The following CA10 variants were observed in gnomAD, a reference collection of about 807,000 sequenced individuals.
CA10 encodes the protein carbonic anhydrase 10 (inactive).
In CA10, 14 loss-of-function variants were observed where a neutral mutation model predicts 44.2. That is an observed-to-expected ratio of 0.32 (90% confidence interval 0.21 to 0.50). The LOEUF (loss-of-function observed/expected upper bound fraction) is 0.50. CA10 is among the 20% of genes least tolerant of loss of function. The pLI is 0.99. For synonymous variants in CA10, 159 were observed against 141.6 expected (o/e 1.12, Z -0.87); for missense variants, 350 against 409.7 (o/e 0.85, Z 1.26).
At chr17:52,077,726 G>A (rs778667895) in intron 1 of CA10, among the ~76,000 whole-genome samples, 2 of 151,930 alleles carry the variant, frequency 1.3e-5, no homozygotes, top group Non-Finnish European at 2.9e-5. Flanking sequence ...ACTGCAGAAG[G>A]TATCTATCAT....
At chr17:51,980,990 C>A (rs950616782) in intron 2 of CA10, among the ~76,000 whole-genome samples, 1 of 152,056 alleles carries the variant, frequency 6.6e-6, no homozygotes, top group African/African-American at 2.4e-5. Flanking sequence ...CACTACACAC[C>A]CAATGGAATA....
At chr17:51,988,775 T>C (rs1220113489) in intron 2 of CA10, among the ~76,000 whole-genome samples, 1 of 151,916 alleles carries the variant, frequency 6.6e-6, no homozygotes, top group Non-Finnish European at 1.5e-5. Context: ...AGAGATACAA[T>C]AGGAGATGCA....
intron 6 of CA10, among the ~76,000 whole-genome samples, chr17:51,647,541 G>C (rs543135030): frequency 2.0e-4 from 31 of 151,956 alleles, no homozygotes; most frequent in Non-Finnish European, 4.0e-4. Context: ...ATATTAATCA[G>C]ACCAGTGCTG....
intron 3 of CA10, among the ~76,000 whole-genome samples, chr17:51,903,861 G>C (rs1304915698): frequency 6.6e-6 from 1 of 152,002 alleles, no homozygotes; most frequent in East Asian, 1.9e-4. Flanking sequence ...CTATTATCAA[G>C]GCCTTAATTC....
In CA10 at chr17:52,127,505, C is replaced by G. The variant is rs1050752369; in HGVS notation, c.61+30221G>C. ...TTTCCTCCATTTAAATTTAAATAGACACTGCAGACTTGCCCTCCAATAATG... is the reference window on the plus strand; with the variant it reads ...TTTCCTCCATTTAAATTTAAATAGAGACTGCAGACTTGCCCTCCAATAATG... On this transcript the variant is annotated intron_variant, in intron 1 of 8. Coordinates refer to ENST00000451037, the MANE Select transcript of CA10 (RefSeq NM_020178.5). Among the ~76,000 whole-genome samples the G allele has an allele frequency of 1.0e-3, 153 of 152,230 alleles. 4 individuals carry two copies. The South Asian group carries it at 0.031, about 31-fold the overall frequency.
At chr17:51,939,282 T>G (rs1445284446) in intron 2 of CA10, among the ~76,000 whole-genome samples, 1 of 152,124 alleles carries the variant, frequency 6.6e-6, no homozygotes, top group Non-Finnish European at 1.5e-5. Flanking sequence ...TTGAATGCAC[T>G]TCACTTTTCT....
chr17:52,024,969 T>C (rs1986254481), intron 2 of CA10, among the ~76,000 whole-genome samples: 1 of 151,710 alleles, frequency 6.6e-6, no homozygotes, highest in African/African-American at 2.4e-5. Context: ...ATATATACAC[T>C]CCCCCAAAAA....
At chr17:52,051,719 G>T (rs1598187885) in intron 2 of CA10, among the ~76,000 whole-genome samples, 1 of 152,180 alleles carries the variant, frequency 6.6e-6, no homozygotes, top group Non-Finnish European at 1.5e-5. Flanking sequence ...AGACAGTGTG[G>T]CAATTCCACA....
chr17:51,677,583 A>G (rs1438661722), intron 4 of CA10, among the ~76,000 whole-genome samples: 5 of 152,164 alleles, frequency 3.3e-5, no homozygotes, highest in African/African-American at 1.2e-4. Flanking sequence ...GAACTAATAG[A>G]AGTGGTTACT....
At chr17:51,785,764 C>T (rs988835040) in intron 3 of CA10, among the ~76,000 whole-genome samples, 5 of 152,108 alleles carry the variant, frequency 3.3e-5, no homozygotes, top group African/African-American at 1.2e-4. Context: ...CTTCTTTTTG[C>T]TCAGGAGAGA....
chr17:52,105,669 G>A (rs1196598119), intron 1 of CA10, among the ~76,000 whole-genome samples: 1 of 152,184 alleles, frequency 6.6e-6, no homozygotes, highest in Non-Finnish European at 1.5e-5. Flanking sequence ...AAGTAAGATG[G>A]AAATAAGTTA....
chr17:51,807,362 G>A (rs990203784), intron 3 of CA10, among the ~76,000 whole-genome samples: 1 of 152,206 alleles, frequency 6.6e-6, no homozygotes. Flanking sequence ...TGCATTCTCA[G>A]AGTGAAAAGC....
chr17:52,098,397 C>T (rs1188816428), intron 1 of CA10, among the ~76,000 whole-genome samples: 2 of 152,174 alleles, frequency 1.3e-5, no homozygotes, highest in African/African-American at 4.8e-5. Flanking sequence ...GCCAATGCTG[C>T]TAGTCTGAGG....
chr17:51,935,532 AAATT>A (rs1982832556), intron 2 of CA10, among the ~76,000 whole-genome samples: 1 of 152,194 alleles, frequency 6.6e-6, no homozygotes, highest in African/African-American at 2.4e-5. Flanking sequence ...ATATTTTTGC[AAATT>A]AATTTTCACA....
At chr17:51,880,821 G>C (rs575621697) in intron 3 of CA10, among the ~76,000 whole-genome samples, 1 of 152,230 alleles carries the variant, frequency 6.6e-6, no homozygotes, top group African/African-American at 2.4e-5. Flanking sequence ...TGCATTGATA[G>C]ATGAAGAAAG....
rs765532727 is a variant in CA10, at chr17:52,016,378, A to C, written c.136+55941T>G. On this transcript the variant is annotated intron_variant, in intron 2 of 8. Coordinates refer to ENST00000451037, the MANE Select transcript of CA10 (RefSeq NM_020178.5). ...ACTCTATATTTCCAGTGCATTGCAG[A>C]TTGCTGGGAATTTCAATCACCACTC... Among the ~76,000 whole-genome samples the C allele has an allele frequency of 6.6e-5, 10 of 152,246 alleles. 1 individual carries two copies. The Middle Eastern group carries it at 0.01, about 155-fold the overall frequency.
At chr17:51,687,228 T>C (rs1915038972) in intron 4 of CA10, among the ~76,000 whole-genome samples, 1 of 152,230 alleles carries the variant, frequency 6.6e-6, no homozygotes, top group Non-Finnish European at 1.5e-5. Context: ...GTGTAAAATA[T>C]ACTTCCTTTG....
At chr17:51,822,319 G>A (rs1489199581) in intron 3 of CA10, among the ~76,000 whole-genome samples, 6 of 152,104 alleles carry the variant, frequency 3.9e-5, no homozygotes, top group Non-Finnish European at 5.9e-5. Context: ...TCAGGAGGCT[G>A]AGACACGAGA....
chr17:51,866,579 G>T (rs1459581015), intron 3 of CA10, among the ~76,000 whole-genome samples: 2 of 152,156 alleles, frequency 1.3e-5, no homozygotes, highest in African/African-American at 4.8e-5. Context: ...AATTGCCCTT[G>T]CTCCTTCTGC....
Sources: allele counts gnomAD v4.1 joint callset (sites outside exome capture counted in the v4.1 genomes callset), GRCh38; gene constraint gnomAD v4.1.1; transcripts MANE v1.5; gene names NCBI Gene and HGNC (gene_info 2026-07-23, HGNC 2026-07-21).